Variants in CELF2 observed in about 807,000 individuals in gnomAD.
CELF2 encodes CUGBP Elav-like family member 2.
Under a neutral mutation model 62.6 loss-of-function variants are expected in CELF2, and 8 were observed. The observed-to-expected ratio is 0.13, with a 90% confidence interval of 0.07 to 0.23. CELF2 has a LOEUF of 0.23. Ranked by LOEUF, CELF2 falls within the 10% of genes least tolerant of loss-of-function variation. The pLI is 1.00. For missense variants in CELF2, 333 were observed against 671.0 expected, an observed-to-expected ratio of 0.50 and a Z score of 5.56; for synonymous variants, 258 against 250.0, an observed-to-expected ratio of 1.03 and a Z score of -0.30.
intron 1 of CELF2, among the ~76,000 whole-genome samples, chr10:11,023,119 C>T (rs577789455): frequency 1.3e-5 from 2 of 152,084 alleles, no homozygotes; most frequent in South Asian, 2.1e-4. Flanking sequence ...TTTTTGTTTT[C>T]GGATTAGGCC....
the CELF2 span, among the ~76,000 whole-genome samples, chr10:10,768,571 CTTTTTCT>C: frequency 3.4e-5 from 5 of 148,562 alleles, no homozygotes; most frequent in Non-Finnish European, 5.9e-5. Flanking sequence ...CTTTCTTTTT[CTTTTTCT>C]TTTTTTTTTT....
intron 1 of CELF2, among the ~76,000 whole-genome samples, chr10:10,818,049 C>T (rs1445544208): frequency 6.6e-6 from 1 of 152,150 alleles, no homozygotes; most frequent in Non-Finnish European, 1.5e-5. Context: ...ACTGATGTTG[C>T]CGCTAATATC....
upstream of CELF2, among the ~76,000 whole-genome samples, chr10:11,016,908 C>T (rs1445046258): frequency 6.6e-6 from 1 of 152,212 alleles, no homozygotes; most frequent in African/African-American, 2.4e-5. This position sits in a 1 kb window ranked among gnomAD's most constrained non-coding sequence, Gnocchi z 5.2. Flanking sequence ...AAGAGGTAAA[C>T]TATAAACTTT....
intron 3 of CELF2, among the ~76,000 whole-genome samples, chr10:11,228,596 T>G (rs77049636): frequency 0.073 from 11,111 of 152,182 alleles, 454 homozygotes; most frequent in Middle Eastern, 0.15. Flanking sequence ...TACAATTTAC[T>G]AATATTTGTA....
chr10:10,631,166 G>C, the CELF2 span, among the ~76,000 whole-genome samples: 4 of 152,090 alleles, frequency 2.6e-5, no homozygotes, highest in African/African-American at 9.7e-5. Flanking sequence ...CTGACATTTG[G>C]AACTCTGTTT....
At position 11,005,645 on chromosome 10, in the gene CELF2, C is replaced by T. The variant is rs761416560; in HGVS notation, c.53+205C>T. ...CAGCGAGAGAAAGGCGGAGGACTGC[C>T]GTGAATTCTATTTGTACTAGTTGCC... On this transcript the variant is annotated intron_variant, in intron 1 of 12. Transcript: ENST00000416382. This position sits in a 1 kb window ranked among gnomAD's most constrained non-coding sequence, Gnocchi z 4.3. Among the ~76,000 whole-genome samples, 1 of 152,086 alleles carries T rather than the reference C, an allele frequency of 6.6e-6. No individual in the cohort carries two copies. Among genetic ancestry groups the T allele is most frequent in the Non-Finnish European group, 1.5e-5 (1 of 68,032 alleles).
At chr10:10,788,773 A>G in the CELF2 span, among the ~76,000 whole-genome samples, 2 of 151,794 alleles carry the variant, frequency 1.3e-5, no homozygotes, top group Non-Finnish European at 2.9e-5. Flanking sequence ...TCTTTCCAGT[A>G]TTTTTTTCCA....
the CELF2 span, among the ~76,000 whole-genome samples, chr10:10,563,350 C>T: frequency 6.6e-6 from 1 of 152,078 alleles, no homozygotes; most frequent in Non-Finnish European, 1.5e-5. Context: ...GTGGCTCCCA[C>T]CTCTAATCCC....
At chr10:10,839,490 C>A (rs1381990251) in intron 1 of CELF2, among the ~76,000 whole-genome samples, 1 of 152,180 alleles carries the variant, frequency 6.6e-6, no homozygotes, top group African/African-American at 2.4e-5. Flanking sequence ...GAATGTTAAG[C>A]CATACCTACA....
chr10:10,921,712 G>A (rs1440856757), intron 2 of CELF2, among the ~76,000 whole-genome samples: 1 of 152,162 alleles, frequency 6.6e-6, no homozygotes, highest in African/African-American at 2.4e-5. Context: ...TGAGAGGAGA[G>A]CCCAGGCTTC....
upstream of CELF2, chr10:10,796,972 T>C: frequency 1.3e-6 from 1 of 766,888 alleles, no homozygotes; most frequent in Non-Finnish European, 1.6e-6. Context: ...TCACAGCCAT[T>C]AGGGAAAGTA....
At chr10:11,048,299 T>G (rs938217545) in intron 1 of CELF2, among the ~76,000 whole-genome samples, 2 of 152,224 alleles carry the variant, frequency 1.3e-5, no homozygotes, top group Non-Finnish European at 2.9e-5. Context: ...TTTCCCCCTT[T>G]GCATTTAGGC....
the CELF2 span, among the ~76,000 whole-genome samples, chr10:10,675,081 G>C: frequency 6.6e-6 from 1 of 151,918 alleles, no homozygotes; most frequent in African/African-American, 2.4e-5. Flanking sequence ...TTTTTGATGT[G>C]CTCCCTTTAT....
intron 1 of CELF2, among the ~76,000 whole-genome samples, chr10:11,118,071 AT>A (rs897674105): frequency 5.2e-4 from 69 of 133,702 alleles, no homozygotes; most frequent in African/African-American, 7.9e-4. Flanking sequence ...ATTAAAAGCT[AT>A]TTTTTTTTTA....
intron 1 of CELF2, among the ~76,000 whole-genome samples, chr10:10,852,231 A>G (rs2059425367): frequency 2.0e-5 from 3 of 152,206 alleles, no homozygotes; most frequent in Non-Finnish European, 2.9e-5. Flanking sequence ...CACCAATGTG[A>G]TACATCCATA....
intron 1 of CELF2, among the ~76,000 whole-genome samples, chr10:11,094,696 G>T (rs895117937): frequency 1.3e-5 from 2 of 152,200 alleles, no homozygotes; most frequent in African/African-American, 4.8e-5. Context: ...GAAAAAGACT[G>T]CCCATCATGT....
At chr10:10,765,695 T>A in the CELF2 span, among the ~76,000 whole-genome samples, 2 of 152,126 alleles carry the variant, frequency 1.3e-5, no homozygotes, top group African/African-American at 2.4e-5. Flanking sequence ...TGGATGCTGA[T>A]CCTCCACTAC....
intron 2 of CELF2, among the ~76,000 whole-genome samples, chr10:10,970,235 G>C (rs2050619987): frequency 6.6e-6 from 1 of 151,956 alleles, no homozygotes; most frequent in Non-Finnish European, 1.5e-5. Flanking sequence ...TGCCTGGCTA[G>C]TTTTTGCTTT....
At chr10:11,151,627 G>A (rs916864078) in intron 1 of CELF2, among the ~76,000 whole-genome samples, 1 of 152,084 alleles carries the variant, frequency 6.6e-6, no homozygotes, top group Non-Finnish European at 1.5e-5. Flanking sequence ...GCTCCAGAGA[G>A]CCACCTGGCC....
Sources: gnomAD v4.1 joint callset for allele counts (sites outside exome capture counted in the v4.1 genomes callset) on GRCh38, gnomAD v4.1.1 for gene constraint, Gnocchi (gnomAD v3.1) non-coding constraint, MANE v1.5 for transcripts, NCBI Gene and HGNC (gene_info 2026-07-23, HGNC 2026-07-21) for gene names.